PLS1: variants seen among roughly 807,000 people sequenced by gnomAD.
PLS1 encodes the protein plastin-1.
Under a neutral mutation model 73.7 loss-of-function variants are expected in PLS1, and 32 were observed. The ratio of observed to expected loss-of-function variants is 0.43; its 90% confidence interval spans 0.33 to 0.58. The LOEUF is 0.58. Among genes scored for constraint, PLS1 ranks in the 20% least tolerant of loss-of-function variants. The probability of loss-of-function intolerance (pLI) is 0.04; values close to 1 mark genes in which losing one functional copy is unlikely to be tolerated. For synonymous variants in PLS1, 217 were observed against 261.3 expected, an observed-to-expected ratio of 0.83 and a Z score of 1.63; for missense variants, 633 against 740.5, an observed-to-expected ratio of 0.85 and a Z score of 1.68.
chr3:142,605,102 T>C (rs1018547149), intron 1 of PLS1, among the ~76,000 whole-genome samples: 15 of 152,192 alleles, frequency 9.9e-5, no homozygotes, highest in Non-Finnish European at 7.3e-5. Context: ...AAGTCTGTGA[T>C]TCTGTTTCTG....
At chr3:142,705,695 C>T (rs1368526942) in intron 14 of PLS1, among the ~76,000 whole-genome samples, 1 of 152,146 alleles carries the variant, frequency 6.6e-6, no homozygotes, top group Non-Finnish European at 1.5e-5. Context: ...TCTCTCTTTG[C>T]CTTCGCTCTA....
chr3:142,612,729 G>GAA (rs10716821), intron 1 of PLS1, among the ~76,000 whole-genome samples: 1 of 148,452 alleles, frequency 6.7e-6, no homozygotes, highest in Non-Finnish European at 1.5e-5. Context: ...CTCAAAAAAA[G>GAA]AAAAAAAAAA....
At chr3:142,686,796 C>T (rs946253828) in intron 9 of PLS1, among the ~76,000 whole-genome samples, 7 of 152,238 alleles carry the variant, frequency 4.6e-5, no homozygotes, top group East Asian at 3.9e-4. Flanking sequence ...GCTATCATGA[C>T]GGAAGAAAGG....
chr3:142,631,019 A>T (rs2036548108), intron 1 of PLS1, among the ~76,000 whole-genome samples: 1 of 150,844 alleles, frequency 6.6e-6, no homozygotes, highest in Non-Finnish European at 1.5e-5. Context: ...CAAGACTTAT[A>T]CGATGGGGCA....
At chr3:142,611,653 G>C (rs569968472) in intron 1 of PLS1, among the ~76,000 whole-genome samples, 57 of 151,936 alleles carry the variant, frequency 3.8e-4, no homozygotes, top group African/African-American at 1.3e-3. Context: ...TACGTATATA[G>C]TATTATATAT....
chr3:142,651,635 T>C (rs370165078), intron 1 of PLS1, among the ~76,000 whole-genome samples: 1 of 151,956 alleles, frequency 6.6e-6, no homozygotes, highest in South Asian at 2.1e-4. Flanking sequence ...CTGATGGGAG[T>C]GTTTCTAAAG....
At chr3:142,629,887 T>C (rs1393982505) in intron 1 of PLS1, among the ~76,000 whole-genome samples, 3 of 152,160 alleles carry the variant, frequency 2.0e-5, no homozygotes, top group East Asian at 3.9e-4. Flanking sequence ...TAGATGCCAG[T>C]GATGCCTCCT....
intron 1 of PLS1, among the ~76,000 whole-genome samples, chr3:142,620,678 T>C (rs1043629935): frequency 1.1e-4 from 16 of 152,200 alleles, no homozygotes; most frequent in African/African-American, 3.9e-4. Flanking sequence ...TGAGTACTTG[T>C]GATGGTTCAA....
intron 1 of PLS1, among the ~76,000 whole-genome samples, chr3:142,606,075 AGG>A (rs1294261215): frequency 2.0e-5 from 3 of 152,232 alleles, no homozygotes; most frequent in Non-Finnish European, 4.4e-5. Context: ...AGTAATTCAG[AGG>A]AAATAACTGA....
At position 142,671,025 on chromosome 3, in the gene PLS1, C is replaced by T; in HGVS notation, c.267C>T (p.Ser89=). The T allele has an allele frequency of 6.2e-7, 1 of 1,600,298 alleles. No individual in the cohort carries two copies. Among genetic ancestry groups the T allele is most frequent in the Non-Finnish European group, 8.6e-7 (1 of 1,169,104 alleles). Residue 89 remains serine, a synonymous_variant, in exon 4 of 16, where the codon AGC becomes AGT. Coordinates refer to ENST00000457734, the MANE Select transcript of PLS1 (RefSeq NM_001145319.2). ...AAGAATTAAAAAGCAAAGATATCAG[C>T]AAAACATTCCGAAAAATAATTAACA... ...LMQELKSKDI[S]KTFRKIINKR...
Position 142,678,105 on chromosome 3 carries a change from A to C in PLS1, c.571A>C (p.Thr191Pro), listed in dbSNP as rs2037761302. Reference sequence around the variant, plus strand: ...CAATAAGAAAAAGCTCACGCCATTCACTATTTCTGTAAGTATTTGCCCTTT... The same window carrying C: ...CAATAAGAAAAAGCTCACGCCATTCCCTATTTCTGTAAGTATTTGCCCTTT... ...AINKKKLTPF[T>P]ISENLNLALN... The change falls in exon 6 of 16, where the codon ACT becomes CCT. Residue 191 changes from threonine to proline, a missense_variant. Transcript: ENST00000457734. The C allele has an allele frequency of 6.6e-7, 1 of 1,507,062 alleles. No homozygotes were observed. The highest frequency in any genetic ancestry group is 1.2e-5 in the South Asian group (1 of 81,366). 93.4% of individuals were successfully genotyped at this position (1,507,062 alleles called of 1,614,324 possible).
At chr3:142,630,420 CAAAAAA>C (rs71153980) in intron 1 of PLS1, among the ~76,000 whole-genome samples, 10 of 110,322 alleles carry the variant, frequency 9.1e-5, no homozygotes, top group South Asian at 3.4e-4. Context: ...GACCCTGCCT[CAAAAAA>C]AAAAAAAAAA....
intron 2 of PLS1, among the ~76,000 whole-genome samples, chr3:142,665,276 G>A (rs1453279850): frequency 2.8e-5 from 3 of 106,810 alleles, no homozygotes; most frequent in Admixed American, 2.0e-4. Context: ...AAAACGATAT[G>A]TTTAAAAAAA....
At chr3:142,663,747 T>C (rs1350995145) in intron 1 of PLS1, among the ~76,000 whole-genome samples, 4 of 152,204 alleles carry the variant, frequency 2.6e-5, no homozygotes, top group African/African-American at 9.6e-5. Context: ...TAAAGCTGAA[T>C]GTTAAAACCA....
At chr3:142,646,729 C>T (rs908427280) in intron 1 of PLS1, among the ~76,000 whole-genome samples, 26 of 152,254 alleles carry the variant, frequency 1.7e-4, no homozygotes, top group African/African-American at 6.3e-4. Flanking sequence ...GAGTCTATTT[C>T]TTCAGCTCTC....
At chr3:142,651,799 A>G (rs2037099263) in intron 1 of PLS1, among the ~76,000 whole-genome samples, 1 of 152,230 alleles carries the variant, frequency 6.6e-6, no homozygotes, top group Non-Finnish European at 1.5e-5. Context: ...TAAAAATCAA[A>G]TTTCACATAA....
chr3:142,608,945 T>C (rs1035497956), intron 1 of PLS1, among the ~76,000 whole-genome samples: 1 of 152,208 alleles, frequency 6.6e-6, no homozygotes, highest in Non-Finnish European at 1.5e-5. Context: ...GCTCAATGTA[T>C]GTCTTAGTTA....
At chr3:142,658,990 G>A (rs1056432908) in intron 1 of PLS1, among the ~76,000 whole-genome samples, 1 of 152,080 alleles carries the variant, frequency 6.6e-6, no homozygotes, top group Non-Finnish European at 1.5e-5. Flanking sequence ...TACCTTCCTT[G>A]GGCAGGTCAC....
At chr3:142,597,484 TAGGAAGAGGAAATTTTAAGTTC>T (rs2035834639) in intron 1 of PLS1, 1 of 152,208 alleles carries the variant, frequency 6.6e-6, no homozygotes, top group East Asian at 1.9e-4. Context: ...GTAGTAAGTT[TAGGAAGAGGAAATTTTAAGTTC>T]AGGAAGAGAA....
Sources: allele counts gnomAD v4.1 joint callset (sites outside exome capture counted in the v4.1 genomes callset), GRCh38; gene constraint gnomAD v4.1.1; transcripts MANE v1.5; gene names NCBI Gene and HGNC (gene_info 2026-07-23, HGNC 2026-07-21).